The following DLGAP2 variants were observed in gnomAD, a reference collection of about 807,000 sequenced individuals.
DLGAP2 encodes DLG associated protein 2, also known as disks large-associated protein 2.
Under a neutral mutation model 100.3 loss-of-function variants are expected in DLGAP2, and 26 were observed. The ratio of observed to expected loss-of-function variants is 0.26; its 90% confidence interval spans 0.19 to 0.36. DLGAP2 has a LOEUF of 0.36. Ranked by LOEUF, DLGAP2 falls within the 10% of genes least tolerant of loss-of-function variation. DLGAP2 has a pLI of 1.00. For synonymous variants in DLGAP2, 886 were observed against 630.1 expected (o/e 1.41, Z -6.08); for missense variants, 1,858 against 1,453.2 (o/e 1.28, Z -4.53).
chr8:1,231,559 G>T (rs117420075), intron 2 of DLGAP2, among the ~76,000 whole-genome samples: 40 of 152,142 alleles, frequency 2.6e-4, no homozygotes, highest in Non-Finnish European at 4.3e-4. Context: ...CACTACTCAC[G>T]ATAGCAAAGA....
At chr8:1,278,930 C>G (rs565080397) in intron 3 of DLGAP2, among the ~76,000 whole-genome samples, 1 of 152,120 alleles carries the variant, frequency 6.6e-6, no homozygotes, top group East Asian at 1.9e-4. Flanking sequence ...ATTGTTGAAC[C>G]CATGATGGTA....
intron 2 of DLGAP2, among the ~76,000 whole-genome samples, chr8:941,572 C>T (rs1057054193): frequency 5.3e-5 from 8 of 152,114 alleles, no homozygotes; most frequent in South Asian, 2.1e-4. Flanking sequence ...TCTCCACAGG[C>T]GCTATTGGAA....
At chr8:810,307 ATGC>A (rs1796348468) in intron 1 of DLGAP2, among the ~76,000 whole-genome samples, 1 of 152,226 alleles carries the variant, frequency 6.6e-6, no homozygotes, top group Non-Finnish European at 1.5e-5. Context: ...TTGTACTGAA[ATGC>A]TGCTTCATAT....
At chr8:850,982 G>C (rs575517104) in intron 1 of DLGAP2, among the ~76,000 whole-genome samples, 1 of 152,166 alleles carries the variant, frequency 6.6e-6, no homozygotes, top group Non-Finnish European at 1.5e-5. Flanking sequence ...CATGTACAGA[G>C]CTATGTGATG....
intron 3 of DLGAP2, among the ~76,000 whole-genome samples, chr8:1,325,631 C>T (rs570893736): frequency 6.6e-6 from 1 of 152,346 alleles, no homozygotes; most frequent in Non-Finnish European, 1.5e-5. Context: ...GCATACCCTA[C>T]AGGGCCTGAA....
At chr8:1,103,945 G>C (rs1484248193) in intron 2 of DLGAP2, among the ~76,000 whole-genome samples, 1 of 152,244 alleles carries the variant, frequency 6.6e-6, no homozygotes, top group African/African-American at 2.4e-5. Context: ...GCCAGTGATG[G>C]ACCTGGCTGT....
intron 2 of DLGAP2, among the ~76,000 whole-genome samples, chr8:1,135,459 C>G (rs1167368503): frequency 7.1e-6 from 1 of 140,686 alleles, no homozygotes; most frequent in Non-Finnish European, 1.5e-5. Context: ...GAGATAGTTA[C>G]TTAGAGATTT....
intron 1 of DLGAP2, among the ~76,000 whole-genome samples, chr8:813,696 C>T (rs1796412795): frequency 6.6e-6 from 1 of 152,140 alleles, no homozygotes; most frequent in Admixed American, 6.5e-5. Context: ...TTGTCTCTAG[C>T]ACAAAAGTGG....
chr8:901,525 A>G (rs951925555), intron 1 of DLGAP2, among the ~76,000 whole-genome samples: 1 of 152,336 alleles, frequency 6.6e-6, no homozygotes, highest in East Asian at 1.9e-4. Context: ...CGCAGGCGGA[A>G]CATCCAGAGA....
intron 2 of DLGAP2, among the ~76,000 whole-genome samples, chr8:1,153,221 G>C (rs1370056278): frequency 1.3e-5 from 2 of 152,084 alleles, no homozygotes; most frequent in African/African-American, 2.4e-5. Flanking sequence ...TCATGGTCTG[G>C]CCAGAGAATC....
At chr8:1,415,087 C>T (rs1474434414) in intron 3 of DLGAP2, among the ~76,000 whole-genome samples, 2 of 152,198 alleles carry the variant, frequency 1.3e-5, no homozygotes, top group Non-Finnish European at 2.9e-5. Context: ...CTGTGGTGCA[C>T]ATGCATACAT....
intron 3 of DLGAP2, among the ~76,000 whole-genome samples, chr8:1,276,470 G>A (rs1799700194): frequency 6.6e-6 from 1 of 152,154 alleles, no homozygotes. Context: ...GGGGACGGGA[G>A]GGCTGCTGAG....
intron 2 of DLGAP2, among the ~76,000 whole-genome samples, chr8:987,498 G>A (rs1031220186): frequency 3.3e-5 from 5 of 152,118 alleles, no homozygotes; most frequent in African/African-American, 1.2e-4. Flanking sequence ...CAGTTCTGCC[G>A]GACGCCCCCA....
chr8:1,557,972 C>T lies in DLGAP2; in HGVS notation c.1231-7711C>T, dbSNP rs750097813. ...TCAGGCCATAACTTGTGTGTCCTTC[C>T]CAAGGAGGGGTGTGGGGAAGGCAGC... On this transcript the variant is annotated intron_variant, in intron 5 of 14. Transcript: ENST00000637795. 2.0e-5 allele frequency among the ~76,000 whole-genome samples: 3 copies of T among 152,286 alleles called. No homozygotes were observed. In the East Asian group the frequency reaches 5.8e-4, roughly 30 times the overall value.
At chr8:1,309,250 A>G (rs1371858427) in intron 3 of DLGAP2, among the ~76,000 whole-genome samples, 1 of 152,236 alleles carries the variant, frequency 6.6e-6, no homozygotes, top group Non-Finnish European at 1.5e-5. Flanking sequence ...CAAATCCAAG[A>G]AGCATAATGA....
At chr8:923,368 C>CT (rs367587244) in intron 2 of DLGAP2, among the ~76,000 whole-genome samples, 156 of 152,340 alleles carry the variant, frequency 1.0e-3, no homozygotes, top group African/African-American at 3.7e-3. Context: ...GAGGAAGACT[C>CT]TGAGGGGCCA....
At position 971,168 on chromosome 8, in the gene DLGAP2, A is replaced by G. The variant is rs544407917; in HGVS notation, c.73+63202A>G. Among the ~76,000 whole-genome samples the G allele has an allele frequency of 6.6e-5, 10 of 152,340 alleles. No individual in the cohort carries two copies. The South Asian group carries it at 1.7e-3, about 25-fold the overall frequency. On this transcript the variant is annotated intron_variant, in intron 2 of 14. Transcript: ENST00000637795. Reference sequence around the variant, plus strand: ...ACACCATCCGGAAACTGAACAGCCAACGTAGAGGATGGGAGAAAGTATTTT... The same window carrying G: ...ACACCATCCGGAAACTGAACAGCCAGCGTAGAGGATGGGAGAAAGTATTTT...
At chr8:833,095 C>T (rs1346413027) in intron 1 of DLGAP2, among the ~76,000 whole-genome samples, 2 of 152,196 alleles carry the variant, frequency 1.3e-5, no homozygotes, top group East Asian at 3.9e-4. Context: ...TGATACAGGG[C>T]TTACCTGTCT....
intron 2 of DLGAP2, among the ~76,000 whole-genome samples, chr8:1,040,661 T>C (rs1003717211): frequency 1.3e-5 from 2 of 150,722 alleles, no homozygotes; most frequent in Non-Finnish European, 2.9e-5. Flanking sequence ...CGTGGTCGGC[T>C]TGGTGTGTGT....
Sources: gnomAD v4.1 joint callset for allele counts (sites outside exome capture counted in the v4.1 genomes callset) on GRCh38, gnomAD v4.1.1 for gene constraint, MANE v1.5 for transcripts, NCBI Gene and HGNC (gene_info 2026-07-23, HGNC 2026-07-21) for gene names.